Variants in GRIA2 observed in about 807,000 individuals in gnomAD.
The protein encoded by GRIA2 is glutamate receptor 2.
In GRIA2, 14 loss-of-function variants were observed where a neutral mutation model predicts 97.3. That is an observed-to-expected ratio of 0.14 (90% CI 0.10 to 0.23). The LOEUF (loss-of-function observed/expected upper bound fraction) is 0.23, where lower values mean the gene tolerates loss of function less well. GRIA2 is among the 10% of genes least tolerant of loss of function. The probability of loss-of-function intolerance (pLI) is 1.00; values close to 1 mark genes in which losing one functional copy is unlikely to be tolerated. For missense variants in GRIA2, 558 were observed against 1,069.8 expected, an observed-to-expected ratio of 0.52 and a Z score of 6.67; for synonymous variants, 412 against 387.8, an observed-to-expected ratio of 1.06 and a Z score of -0.73.
intron 2 of GRIA2, among the ~76,000 whole-genome samples, chr4:157,268,713 ATTAT>A (rs1411967578): frequency 6.6e-6 from 1 of 151,964 alleles, no homozygotes; most frequent in Non-Finnish European, 1.5e-5. Context: ...GATCCTACTT[ATTAT>A]TTATTTAATT....
At chr4:157,290,468 C>A (rs1404837449) in intron 2 of GRIA2, among the ~76,000 whole-genome samples, 1 of 148,682 alleles carries the variant, frequency 6.7e-6, no homozygotes, top group Non-Finnish European at 1.5e-5. Flanking sequence ...GATTCGTATT[C>A]AAAAACTCCA....
Position 157,333,323 on chromosome 4 carries a change from C to T in GRIA2, c.1125C>T (p.Ile375=). 2 of 1,598,462 alleles carry T rather than the reference C, an allele frequency of 1.3e-6. No homozygotes were observed. Among genetic ancestry groups the T allele is most frequent in the Non-Finnish European group, 1.7e-6 (2 of 1,168,944 alleles). The change falls in exon 8 of 16, where the codon ATC becomes ATT. Residue 375 remains isoleucine (I), a synonymous_variant. Coordinates refer to ENST00000264426, the MANE Select transcript of GRIA2 (RefSeq NM_001083619.3). ...NGKRINYTIN[I]MELKTNGPRK... Reference sequence around the variant, plus strand: ...AAAGAATAAACTATACAATTAACATCATGGAGCTCAAAACTAATGGGCCCC... The same window carrying T: ...AAAGAATAAACTATACAATTAACATTATGGAGCTCAAAACTAATGGGCCCC...
chr4:157,305,858 T>C (rs1415763085), intron 3 of GRIA2, among the ~76,000 whole-genome samples: 1 of 152,032 alleles, frequency 6.6e-6, no homozygotes, highest in Non-Finnish European at 1.5e-5. Context: ...CTTAGTGTCA[T>C]AGGATAAGCA....
chr4:157,294,634 A>G (rs1448072515), intron 2 of GRIA2, among the ~76,000 whole-genome samples: 2 of 152,182 alleles, frequency 1.3e-5, no homozygotes, highest in Non-Finnish European at 2.9e-5. Flanking sequence ...AAAGTATGTG[A>G]TGAATAATAT....
At chr4:157,355,981 T>TTATATATATTTATATATGTATTTA (rs1553958601) in intron 12 of GRIA2, among the ~76,000 whole-genome samples, 3 of 74,016 alleles carry the variant, frequency 4.1e-5, no homozygotes, top group African/African-American at 9.7e-5. Context: ...ATATATATAT[T>TTATATATATTTATATATGTATTTA]TATATATTTA....
intron 5 of GRIA2, among the ~76,000 whole-genome samples, chr4:157,319,253 C>T (rs778206577): frequency 5.3e-5 from 8 of 152,208 alleles, no homozygotes; most frequent in Non-Finnish European, 8.8e-5. Flanking sequence ...ATTTGATGAA[C>T]AACACAGAGC....
At chr4:157,310,078 T>G (rs574676088) in intron 3 of GRIA2, among the ~76,000 whole-genome samples, 1 of 152,320 alleles carries the variant, frequency 6.6e-6, no homozygotes, top group East Asian at 1.9e-4. Context: ...GTAGACTTAA[T>G]GGCTGTTTTC....
intron 2 of GRIA2, among the ~76,000 whole-genome samples, chr4:157,223,298 T>C (rs922652549): frequency 2.6e-5 from 4 of 152,184 alleles, no homozygotes; most frequent in African/African-American, 9.7e-5. Flanking sequence ...ATTTAATTGT[T>C]TATAATGGAT....
At chr4:157,285,863 G>C (rs2126823996) in intron 2 of GRIA2, among the ~76,000 whole-genome samples, 1 of 151,508 alleles carries the variant, frequency 6.6e-6, no homozygotes, top group South Asian at 2.1e-4. Context: ...CCAGCTTTGT[G>C]TTAATTCATA....
chr4:157,283,183 G>A (rs1579330379), intron 2 of GRIA2, among the ~76,000 whole-genome samples: 1 of 152,032 alleles, frequency 6.6e-6, no homozygotes, highest in East Asian at 1.9e-4. Flanking sequence ...TACACTGTAA[G>A]AGCCTCTCAA....
At chr4:157,237,676 A>C (rs146764202) in intron 2 of GRIA2, among the ~76,000 whole-genome samples, 3 of 152,268 alleles carry the variant, frequency 2.0e-5, no homozygotes, top group Admixed American at 6.5e-5. Context: ...ACTGTATTAC[A>C]AGCAAAGAGA....
At chr4:157,362,212 C>T (rs892299972) in intron 14 of GRIA2, among the ~76,000 whole-genome samples, 1 of 152,096 alleles carries the variant, frequency 6.6e-6, no homozygotes, top group Admixed American at 6.6e-5. Context: ...TGTCCAAAGC[C>T]TACTTGGAGA....
chr4:157,304,753 C>G (rs1040110604), intron 3 of GRIA2, among the ~76,000 whole-genome samples: 2 of 152,056 alleles, frequency 1.3e-5, no homozygotes, highest in African/African-American at 4.8e-5. Context: ...CTATTTCGAC[C>G]AAGATAGGGC....
At chr4:157,321,222 G>C (rs889319890) in intron 5 of GRIA2, among the ~76,000 whole-genome samples, 1 of 152,136 alleles carries the variant, frequency 6.6e-6, no homozygotes, top group Non-Finnish European at 1.5e-5. Flanking sequence ...ATCAGTAAAC[G>C]TGTATTGATT....
intron 13 of GRIA2, 59 bp from the exon 14 acceptor site, chr4:157,360,947 AAAAC>A: frequency 8.2e-7 from 1 of 1,220,828 alleles, no homozygotes; most frequent in Non-Finnish European, 1.2e-6. Context: ...AAATTAAAAC[AAAAC>A]AAACAAAAAG....
At chr4:157,292,183 C>G (rs540251444) in intron 2 of GRIA2, among the ~76,000 whole-genome samples, 3 of 151,874 alleles carry the variant, frequency 2.0e-5, no homozygotes, top group Admixed American at 2.0e-4. Flanking sequence ...ACACTGACAG[C>G]AATAGTTATT....
intron 12 of GRIA2, 70 bp downstream of exon 12, chr4:157,341,532 C>A: frequency 9.6e-7 from 1 of 1,039,110 alleles, no homozygotes; most frequent in Non-Finnish European, 1.5e-6. Flanking sequence ...TTGTTTCCCT[C>A]CCATAGTCAA....
intron 2 of GRIA2, among the ~76,000 whole-genome samples, chr4:157,243,987 G>A (rs1347769432): frequency 6.6e-6 from 1 of 152,016 alleles, no homozygotes; most frequent in Non-Finnish European, 1.5e-5. Flanking sequence ...AAGGAAATCA[G>A]TAGGGAGCAT....
intron 2 of GRIA2, among the ~76,000 whole-genome samples, chr4:157,248,627 A>G (rs1345340844): frequency 1.0e-4 from 14 of 135,200 alleles, no homozygotes; most frequent in Admixed American, 2.2e-4. Context: ...ATATATACGT[A>G]TATATATACA....
Sources: allele counts gnomAD v4.1 joint callset (sites outside exome capture counted in the v4.1 genomes callset), GRCh38; gene constraint gnomAD v4.1.1; transcripts MANE v1.5; gene names NCBI Gene and HGNC (gene_info 2026-07-23, HGNC 2026-07-21).